Variants in IFT74 observed in about 807,000 individuals in gnomAD.
IFT74 encodes intraflagellar transport 74.
Under a neutral mutation model 96.7 loss-of-function variants are expected in IFT74, and 92 were observed. The ratio of observed to expected loss-of-function variants is 0.95; its 90% CI spans 0.80 to 1.13. The LOEUF (loss-of-function observed/expected upper bound fraction) is 1.13, where lower values mean the gene tolerates loss of function less well. Among genes scored for constraint, IFT74 ranks in the 50% most tolerant of loss-of-function variants. The pLI, the probability that IFT74 is intolerant of heterozygous loss-of-function variation, is 0.00. For synonymous variants in IFT74, 223 were observed against 213.2 expected, an observed-to-expected ratio of 1.05 and a Z score of -0.40; for missense variants, 811 against 698.2, an observed-to-expected ratio of 1.16 and a Z score of -1.82.
intron 2 of IFT74, among the ~76,000 whole-genome samples, chr9:26,967,016 A>C (rs914080963): frequency 1.3e-5 from 2 of 150,596 alleles, no homozygotes; most frequent in Non-Finnish European, 3.0e-5. Context: ...TTCTGTTTTT[A>C]TGCCAGTATG....
intron 2 of IFT74, among the ~76,000 whole-genome samples, chr9:26,977,331 T>C (rs2184438): frequency 0.16 from 24,943 of 152,046 alleles, 3,017 homozygotes; most frequent in East Asian, 0.68. Flanking sequence ...GGCACAGTGA[T>C]TCTCACCTGT....
upstream of IFT74, chr9:26,956,059 T>C (rs1316153395): frequency 6.6e-6 from 1 of 152,192 alleles, no homozygotes; most frequent in Non-Finnish European, 1.5e-5. Context: ...TTTAGAAAAT[T>C]GCACAATGCT....
At chr9:27,027,671 G>A (rs1202942516) in intron 12 of IFT74, among the ~76,000 whole-genome samples, 1 of 152,004 alleles carries the variant, frequency 6.6e-6, no homozygotes, top group Non-Finnish European at 1.5e-5. Context: ...TTTGATTACT[G>A]AGTTGTAACA....
At chr9:26,960,537 A>T (rs1343541071) in intron 1 of IFT74, among the ~76,000 whole-genome samples, 1 of 152,202 alleles carries the variant, frequency 6.6e-6, no homozygotes, top group African/African-American at 2.4e-5. Context: ...ATAACCTACA[A>T]AATTGTTTTC....
At chr9:26,948,741 G>A (rs571465602) in intron 1 of IFT74, among the ~76,000 whole-genome samples, 47 of 152,124 alleles carry the variant, frequency 3.1e-4, no homozygotes, top group African/African-American at 7.5e-4. Context: ...TGGATTATAA[G>A]CGTGAGCCAC....
intron 2 of IFT74, among the ~76,000 whole-genome samples, chr9:26,970,237 T>G (rs2131503891): frequency 6.6e-6 from 1 of 152,302 alleles, no homozygotes; most frequent in East Asian, 1.9e-4. Flanking sequence ...TTTTTGAAAA[T>G]AGTAGTGCTT....
At chr9:27,022,058 A>G (rs971158440) in intron 12 of IFT74, among the ~76,000 whole-genome samples, 2 of 152,162 alleles carry the variant, frequency 1.3e-5, no homozygotes, top group African/African-American at 4.8e-5. Context: ...TGGCTTGCCA[A>G]TTATCCCAGC....
upstream of IFT74, among the ~76,000 whole-genome samples, chr9:26,955,309 T>C (rs1051452831): frequency 3.3e-5 from 5 of 152,188 alleles, no homozygotes; most frequent in Admixed American, 1.3e-4. Context: ...TGATAGAACA[T>C]TGCAGTCTCG....
rs200145883 is a variant in IFT74, at chr9:27,051,428, T to TA, written c.1333+3161dup. 1.5e-3 allele frequency among the ~76,000 whole-genome samples: 227 copies of TA among 152,156 alleles called. 3 individuals are homozygous for TA. In the East Asian group the frequency reaches 0.016, roughly 10 times the overall value. On this transcript the variant is annotated intron_variant, in intron 16 of 19. Coordinates refer to ENST00000380062, the MANE Select transcript of IFT74 (RefSeq NM_025103.4). ...GACTGTGAGTATATTTTTATTGTGG[T>TA]AAAAAAACACATAACAAAATTTATC...
chr9:26,982,352 C>T (rs532348216), intron 4 of IFT74: 41 of 443,880 alleles, frequency 9.2e-5, no homozygotes, highest in African/African-American at 2.2e-4. Flanking sequence ...CAACTTCCAC[C>T]GCCTGGATTC....
At chr9:27,048,423 T>G (rs1287256820) in intron 16 of IFT74, 149 bp downstream of exon 16, 6 of 561,088 alleles carry the variant, frequency 1.1e-5, no homozygotes, top group Middle Eastern at 4.7e-4. Context: ...ATCAGCTGGC[T>G]AGTATTATGT....
At chr9:27,059,633 G>T (rs546772899) in intron 18 of IFT74, among the ~76,000 whole-genome samples, 1 of 152,172 alleles carries the variant, frequency 6.6e-6, no homozygotes, top group Non-Finnish European at 1.5e-5. Context: ...GGGGGAGATT[G>T]ATGTGATTAG....
At chr9:26,985,608 C>G (rs1827596771) in intron 6 of IFT74, among the ~76,000 whole-genome samples, 2 of 151,992 alleles carry the variant, frequency 1.3e-5, no homozygotes, top group South Asian at 4.1e-4. Context: ...GCTTCATTTC[C>G]CTCCCCAGAA....
At chr9:26,992,568 C>G (rs1827935129) in intron 8 of IFT74, among the ~76,000 whole-genome samples, 1 of 152,148 alleles carries the variant, frequency 6.6e-6, no homozygotes, top group South Asian at 2.1e-4. Context: ...TGGCAGGTGC[C>G]TGTAATCCCA....
At chr9:26,961,897 G>C in intron 1 of IFT74, 52 bp from the exon 2 acceptor site, 4 of 1,589,022 alleles carry the variant, frequency 2.5e-6, no homozygotes, top group Non-Finnish European at 3.4e-6. Flanking sequence ...GGTCATTATT[G>C]TCTTGCTAGA....
intron 4 of IFT74, 25 bp from the exon 5 acceptor site, chr9:26,984,232 G>A: frequency 6.6e-7 from 1 of 1,525,724 alleles, no homozygotes; most frequent in South Asian, 1.2e-5. Context: ...AAGTATTGCT[G>A]ACATTCTTAT....
At chr9:27,010,471 A>G (rs543843437) in intron 9 of IFT74, among the ~76,000 whole-genome samples, 27 of 128,036 alleles carry the variant, frequency 2.1e-4, no homozygotes, top group African/African-American at 7.6e-4. Flanking sequence ...TCATTCTACT[A>G]CCCCCTTTTT....
chr9:26,958,464 G>C (rs1826215307), intron 1 of IFT74, among the ~76,000 whole-genome samples: 1 of 152,160 alleles, frequency 6.6e-6, no homozygotes, highest in African/African-American at 2.4e-5. Context: ...GCCCTGAATT[G>C]GCCAGTGCTG....
chr9:27,030,915 C>G (rs972685678), intron 13 of IFT74, among the ~76,000 whole-genome samples: 8 of 152,296 alleles, frequency 5.3e-5, no homozygotes, highest in Middle Eastern at 3.4e-3. Context: ...TATTTTCACT[C>G]AACATGGGAT....
Sources: gnomAD v4.1 joint callset for allele counts (sites outside exome capture counted in the v4.1 genomes callset) on GRCh38, gnomAD v4.1.1 for gene constraint, MANE v1.5 for transcripts, NCBI Gene and HGNC (gene_info 2026-07-23, HGNC 2026-07-21) for gene names.